SYT14: variants seen among roughly 807,000 people sequenced by gnomAD.
The protein encoded by SYT14 is synaptotagmin-14.
In SYT14, 32 loss-of-function variants were observed where a neutral mutation model predicts 74.2. That is an observed-to-expected ratio of 0.43 (90% CI 0.33 to 0.58). The LOEUF is 0.58. SYT14 is among the 20% of genes least tolerant of loss of function. The pLI is 0.05. For synonymous variants in SYT14, 298 were observed against 337.7 expected (o/e 0.88, Z 1.29); for missense variants, 791 against 981.8 (o/e 0.81, Z 2.60).
chr1:209,983,451 T>C (rs1166776585), intron 2 of SYT14, among the ~76,000 whole-genome samples: 1 of 152,190 alleles, frequency 6.6e-6, no homozygotes, highest in Non-Finnish European at 1.5e-5. Flanking sequence ...TATCTTAATG[T>C]TTACTGAGTC....
chr1:209,974,784 T>G (rs2079326387), intron 2 of SYT14, among the ~76,000 whole-genome samples: 1 of 152,230 alleles, frequency 6.6e-6, no homozygotes, highest in African/African-American at 2.4e-5. Flanking sequence ...TGGCATTGAA[T>G]CTATAAATTA....
At chr1:210,049,734 A>G (rs1410502224) in intron 5 of SYT14, among the ~76,000 whole-genome samples, 1 of 152,094 alleles carries the variant, frequency 6.6e-6, no homozygotes, top group Non-Finnish European at 1.5e-5. Flanking sequence ...CCGTGTACTC[A>G]CAGGCTCAAC....
exon 10 of SYT14, chr1:210,166,803 T>C (rs1020554386): frequency 5.3e-5 from 8 of 152,202 alleles, no homozygotes; most frequent in African/African-American, 1.9e-4. Context: ...TTAAGTGTAT[T>C]ACATAGTAGT....
chr1:209,962,327 A>G (rs985038162), intron 2 of SYT14, among the ~76,000 whole-genome samples: 1 of 151,902 alleles, frequency 6.6e-6, no homozygotes, highest in African/African-American at 2.4e-5. Context: ...ATATTCTTGA[A>G]TTGAGGGGAC....
chr1:210,061,094 CT>C (rs943826430), intron 5 of SYT14, among the ~76,000 whole-genome samples: 4 of 151,832 alleles, frequency 2.6e-5, no homozygotes, highest in South Asian at 2.1e-4. Flanking sequence ...GCCATTTAAT[CT>C]TTTTTTTCAT....
At chr1:210,155,910 A>G in exon 8 of SYT14, 1 of 1,614,038 alleles carries the variant, frequency 6.2e-7, no homozygotes, top group Non-Finnish European at 8.5e-7. Context: ...CAGACCACCC[A>G]GTGAGTGAAA....
chr1:210,005,547 A>G lies in SYT14; in HGVS notation c.-485-8086A>G, dbSNP rs143947649. 4.2e-3 allele frequency among the ~76,000 whole-genome samples: 634 copies of G among 152,106 alleles called. 2 individuals are homozygous for G. Among genetic ancestry groups the G allele is most frequent in the African/African-American group, 0.014 (579 of 41,572 alleles). On this transcript the variant is annotated intron_variant, in intron 2 of 9. Coordinates refer to ENST00000637265, the Ensembl canonical transcript of SYT14. ...TTAGATATTGTCCATGCCGTTTCTC[A>G]TTTAGATAATTGTGAAGGAATCCAT...
In SYT14 at chr1:210,103,101, G is replaced by GT. The variant is rs768039363; in HGVS notation, c.2034+2647dup. Among the ~76,000 whole-genome samples the GT allele has an allele frequency of 5.3e-5, 8 of 151,936 alleles. No homozygotes were observed. The South Asian group carries it at 1.5e-3, about 28-fold the overall frequency. ...CCATTAAAACACATTTAAACTTACA[G>GT]TTTTTTTCATAGATAATAGGAAAAT... is the stretch of plus-strand genomic sequence containing the variant. On this transcript the variant is annotated intron_variant, in intron 7 of 9. Transcript: ENST00000637265.
At position 210,015,951 on chromosome 1, in the gene SYT14, T is replaced by A. The variant is rs1312371489; in HGVS notation, c.-53T>A. 4.9e-6 allele frequency: 6 copies of A among 1,231,374 alleles called. No individual in the cohort carries two copies. The Admixed American group carries it at 2.5e-4, about 52-fold the overall frequency. 76.3% of individuals were successfully genotyped at this position (1,231,374 alleles called of 1,614,324 possible). A position where few individuals can be genotyped will look rare whatever the true frequency, so the allele number is the denominator to read the frequency against. ...ATTCAAGTTCCAAAGTGGTTGATAT[T>A]TTCAGAAGAGAAAATTCCATTATTG... On this transcript the variant is annotated 5_prime_UTR_variant, in exon 4 of 10. Coordinates refer to ENST00000637265, the Ensembl canonical transcript of SYT14.
intron 7 of SYT14, among the ~76,000 whole-genome samples, chr1:210,118,239 A>T (rs985132656): frequency 3.3e-5 from 5 of 150,736 alleles, no homozygotes; most frequent in African/African-American, 1.2e-4. Context: ...TTAAATTGAG[A>T]AAGAGGGGAT....
intron 2 of SYT14, among the ~76,000 whole-genome samples, chr1:209,960,067 A>C (rs960173259): frequency 1.3e-5 from 2 of 152,220 alleles, no homozygotes; most frequent in Admixed American, 6.5e-5. Flanking sequence ...AACCTAAATT[A>C]AAATAATGAT....
At chr1:209,953,106 T>C in intron 2 of SYT14, 3 of 1,307,208 alleles carry the variant, frequency 2.3e-6, no homozygotes, top group South Asian at 1.2e-5. Flanking sequence ...GTTCTATTAC[T>C]GTACCCCATC....
intron 7 of SYT14, among the ~76,000 whole-genome samples, chr1:210,113,726 G>A (rs1482590870): frequency 6.6e-6 from 1 of 151,012 alleles, no homozygotes; most frequent in Non-Finnish European, 1.5e-5. Flanking sequence ...GTGGCAATGA[G>A]GTGTGGCTGT....
At chr1:210,116,640 C>T (rs2082367040) in intron 7 of SYT14, among the ~76,000 whole-genome samples, 1 of 152,174 alleles carries the variant, frequency 6.6e-6, no homozygotes, top group African/African-American at 2.4e-5. Flanking sequence ...AGCCACCATG[C>T]CCATCCTGAA....
exon 10 of SYT14, chr1:210,168,914 C>T (rs1572407361): frequency 1.3e-5 from 2 of 152,164 alleles, no homozygotes; most frequent in African/African-American, 2.4e-5. Context: ...TATCCCAGAA[C>T]CCTGAAATAG....
Position 210,053,359 on chromosome 1 carries a change from T to C in SYT14, c.1312+32105T>C, listed in dbSNP as rs188523576. Among the ~76,000 whole-genome samples, 233 of 152,332 alleles carry C rather than the reference T, an allele frequency of 1.5e-3. 1 individual carries two copies. The highest frequency in any genetic ancestry group is 2.6e-3 in the Non-Finnish European group (174 of 68,010). ...TGCTGAAGTAATAGTAGTGGTAAAA[T>C]ATAAGACTGAAAAGTTAAATTGGTA... On this transcript the variant is annotated intron_variant, in intron 5 of 9. Transcript: ENST00000637265.
At chr1:210,078,862 TC>T (rs2102472602) in intron 5 of SYT14, among the ~76,000 whole-genome samples, 1 of 151,850 alleles carries the variant, frequency 6.6e-6, no homozygotes, top group African/African-American at 2.4e-5. Flanking sequence ...TTCTCCCACC[TC>T]AGCTTCCCCA....
intron 5 of SYT14, among the ~76,000 whole-genome samples, chr1:210,043,906 A>G (rs1291990805): frequency 6.6e-6 from 1 of 152,224 alleles, no homozygotes; most frequent in Non-Finnish European, 1.5e-5. Flanking sequence ...CTCACAGACT[A>G]TTCCAGATTT....
rs200981834 is a variant in SYT14, at chr1:210,070,910, ATTTTTTTT to A, written c.1313-23395_1313-23388del. On this transcript the variant is annotated intron_variant, in intron 5 of 9. Transcript: ENST00000637265. ...AATTCAACAAAGATAGTTGGGTATA[ATTTTTTTT>A]TTTTTTTTTTTTTTTTGGCTAGACT... Among the ~76,000 whole-genome samples the A allele has an allele frequency of 1.4e-3, 166 of 116,268 alleles. 1 individual carries two copies. Among genetic ancestry groups the A allele is most frequent in the East Asian group, 4.0e-3 (13 of 3,244 alleles). The allele number at this position is 116,268 out of a possible 152,430, so 76.3% of individuals were successfully genotyped here.
Sources: allele counts gnomAD v4.1 joint callset (sites outside exome capture counted in the v4.1 genomes callset), GRCh38; gene constraint gnomAD v4.1.1; transcripts MANE v1.5; gene names NCBI Gene and HGNC (gene_info 2026-07-23, HGNC 2026-07-21).